OOEP: variants seen among roughly 807,000 people sequenced by gnomAD.
OOEP encodes oocyte-expressed protein homolog.
OOEP carries 16 observed loss-of-function variants against 13.7 expected under a neutral mutation model. The ratio of observed to expected loss-of-function variants is 1.16; its 90% CI spans 0.79 to 1.77. The LOEUF is 1.77. Among genes scored for constraint, OOEP ranks in the 40% most tolerant of loss-of-function variants. The probability of loss-of-function intolerance (pLI) is 0.00; values close to 1 mark genes in which losing one functional copy is unlikely to be tolerated. For missense variants in OOEP, 195 were observed against 193.1 expected (o/e 1.01, Z -0.06); for synonymous variants, 89 against 77.1 (o/e 1.15, Z -0.81).
intron 2 of OOEP, chr6:73,390,959 G>A (rs537910715): frequency 1.3e-5 from 2 of 151,810 alleles, no homozygotes; most frequent in South Asian, 4.2e-4. Flanking sequence ...AAAAATATTC[G>A]TGTTACCTGG....
intron 2 of OOEP, among the ~76,000 whole-genome samples, chr6:73,381,734 A>G (rs1414705578): frequency 1.3e-5 from 2 of 152,142 alleles, no homozygotes; most frequent in Non-Finnish European, 2.9e-5. Flanking sequence ...TAATCCTAGC[A>G]CTTTGGAAGG....
intron 1 of OOEP, 103 bp downstream of exon 1, chr6:73,369,500 C>A: frequency 6.7e-7 from 1 of 1,501,494 alleles, no homozygotes; most frequent in Admixed American, 1.8e-5. Context: ...CACTGCAACA[C>A]TCCTGGCTTG....
upstream of OOEP, among the ~76,000 whole-genome samples, chr6:73,374,163 G>A (rs2150779711): frequency 6.6e-6 from 1 of 152,114 alleles, no homozygotes; most frequent in Non-Finnish European, 1.5e-5. Context: ...ACTCTAGCCT[G>A]GGTGACAGAG....
exon 2 of OOEP, chr6:73,394,394 A>G (rs1453110187): frequency 9.8e-6 from 7 of 714,702 alleles, no homozygotes; most frequent in Non-Finnish European, 1.8e-5. Context: ...GCTGACTGTA[A>G]TCCCAGCACT....
chr6:73,369,028 C>T (rs1275854613), intron 2 of OOEP, among the ~76,000 whole-genome samples, 165 bp from the exon 3 acceptor site: 1 of 152,188 alleles, frequency 6.6e-6, no homozygotes, highest in Non-Finnish European at 1.5e-5. Context: ...CAGATCTCTG[C>T]TGACTTTCCC....
chr6:73,369,799 AC>A lies in OOEP; in HGVS notation c.-8del, dbSNP rs768143038. On this transcript the variant is annotated 5_prime_UTR_variant, in exon 1 of 3. Coordinates refer to ENST00000370359, the MANE Select transcript of OOEP (RefSeq NM_001080507.3). ...CACCAGCATCATCGACCATACTGGG[AC>A]CAGCAGCCGCGGAGCGCGCTCGAGG... The A allele has an allele frequency of 1.2e-6, 2 of 1,609,726 alleles. No homozygotes were observed. The highest frequency in any genetic ancestry group is 2.7e-5 in the African/African-American group (2 of 75,002).
At chr6:73,395,035 A>G in exon 1 of OOEP, 1 of 1,614,222 alleles carries the variant, frequency 6.2e-7, no homozygotes, top group South Asian at 1.1e-5. Flanking sequence ...TGAGGGATAT[A>G]GTGTCGGCAG....
At chr6:73,394,161 C>T (rs551542391) in intron 2 of OOEP, among the ~76,000 whole-genome samples, 1 of 152,260 alleles carries the variant, frequency 6.6e-6, no homozygotes, top group East Asian at 1.9e-4. Context: ...GGGCAACATA[C>T]TGGGAACTCC....
At chr6:73,377,782 C>T (rs1164070498) in intron 2 of OOEP, among the ~76,000 whole-genome samples, 1 of 152,302 alleles carries the variant, frequency 6.6e-6, no homozygotes, top group East Asian at 1.9e-4. Context: ...ATTCTCCTGC[C>T]TCAGTCTCCT....
intron 2 of OOEP, among the ~76,000 whole-genome samples, chr6:73,388,226 G>GC (rs1461064538): frequency 2.0e-5 from 3 of 152,062 alleles, no homozygotes; most frequent in Non-Finnish European, 4.4e-5. Flanking sequence ...AAATCCTTAT[G>GC]CCTCCCCCTC....
intron 2 of OOEP, among the ~76,000 whole-genome samples, chr6:73,381,709 G>A (rs1174688014): frequency 1.2e-4 from 18 of 152,092 alleles, no homozygotes; most frequent in Admixed American, 7.2e-4. Context: ...GGCTGGGCGC[G>A]GTGGCTCACA....
chr6:73,387,534 AT>A (rs1481255542), intron 2 of OOEP: 1 of 152,156 alleles, frequency 6.6e-6, no homozygotes, highest in African/African-American at 2.4e-5. Flanking sequence ...ATAAAATAAT[AT>A]AAAAATAAAA....
Position 73,369,869 on chromosome 6 carries a change from G to C in OOEP, c.-77C>G. On this transcript the variant is annotated 5_prime_UTR_variant, in exon 1 of 3. Transcript: ENST00000370359. Reference sequence around the variant, plus strand: ...TTCCAGACCCAGGCGCGAAGCTCGGGCTCTCTTTTACCATATTCGACCCGC... The same window carrying C: ...TTCCAGACCCAGGCGCGAAGCTCGGCCTCTCTTTTACCATATTCGACCCGC... The C allele has an allele frequency of 7.2e-7, 1 of 1,391,190 alleles. No individual in the cohort carries two copies. Among genetic ancestry groups the C allele is most frequent in the Non-Finnish European group, 9.9e-7 (1 of 1,005,548 alleles). 86.2% of individuals were successfully genotyped at this position (1,391,190 alleles called of 1,614,324 possible).
chr6:73,390,620 C>T (rs867134836), intron 2 of OOEP, among the ~76,000 whole-genome samples: 4 of 135,160 alleles, frequency 3.0e-5, no homozygotes, highest in South Asian at 4.6e-4. Context: ...TCGTTCTTGT[C>T]GCCTGGAGTG....
At chr6:73,378,675 C>T (rs1769163507) in intron 2 of OOEP, among the ~76,000 whole-genome samples, 2 of 151,842 alleles carry the variant, frequency 1.3e-5, no homozygotes, top group Admixed American at 1.3e-4. Flanking sequence ...CCAGCCTGGC[C>T]AACATGATGA....
At position 73,385,387 on chromosome 6, in the gene OOEP, T is replaced by TAA. The variant is rs143390853; in HGVS notation, c.25+8957_25+8958dup. ...AAAGACAAATGGAATTCAGCATTAT[T>TAA]AAAAAAAAAATTATATACCATGATT... On this transcript the variant is annotated intron_variant, in intron 2 of 3. Coordinates refer to the OOEP transcript ENST00000370363. Among the ~76,000 whole-genome samples, 11 of 149,570 alleles carry TAA rather than the reference T, an allele frequency of 7.4e-5. No individual in the cohort carries two copies. In the South Asian group the frequency reaches 1.7e-3, roughly 23 times the overall value.
chr6:73,385,690 C>T (rs893773491), intron 2 of OOEP, among the ~76,000 whole-genome samples: 12 of 151,414 alleles, frequency 7.9e-5, no homozygotes, highest in Non-Finnish European at 1.6e-4. Flanking sequence ...TGAGTTCAAG[C>T]GATTCTCCTA....
At chr6:73,395,036 G>A (rs771739701) in exon 1 of OOEP, 2 of 1,614,130 alleles carry the variant, frequency 1.2e-6, no homozygotes, top group Non-Finnish European at 1.7e-6. Flanking sequence ...GAGGGATATA[G>A]TGTCGGCAGA....
upstream of OOEP, chr6:73,373,406 A>G (rs367974784): frequency 3.2e-5 from 27 of 832,380 alleles, no homozygotes; most frequent in East Asian, 1.1e-4. Context: ...CTCACTGGGT[A>G]GCTGAGGCAG....
Sources: allele counts gnomAD v4.1 joint callset (sites outside exome capture counted in the v4.1 genomes callset), GRCh38; gene constraint gnomAD v4.1.1; transcripts MANE v1.5; gene names NCBI Gene and HGNC (gene_info 2026-07-23, HGNC 2026-07-21).